Variants in SLC16A10 observed in about 807,000 individuals in gnomAD.
SLC16A10 encodes monocarboxylate transporter 10.
SLC16A10 carries 27 observed loss-of-function variants against 40.0 expected under a neutral mutation model. The ratio of observed to expected loss-of-function variants is 0.67; its 90% CI spans 0.50 to 0.93. The LOEUF is 0.93. Among genes scored for constraint, SLC16A10 ranks in the 40% least tolerant of loss-of-function variants. The pLI is 0.00. For missense variants in SLC16A10, 529 were observed against 658.2 expected (o/e 0.80, Z 2.15); for synonymous variants, 213 against 249.8 (o/e 0.85, Z 1.39).
At position 111,228,661 on chromosome 6, in the gene SLC16A10, T is replaced by C. The variant is rs1265288240; in HGVS notation, c.*6426T>C. 2 of 152,222 alleles carry C rather than the reference T, an allele frequency of 1.3e-5. No homozygotes were observed. The highest frequency in any genetic ancestry group is 2.9e-5 in the Non-Finnish European group (2 of 68,030). The allele number at this position is 152,222 out of a possible 1,614,324, so 9.4% of individuals were successfully genotyped here. ...AACACAAAACCTTTCTACTGTGATC[T>C]TCCCTAATGAGTCAAAGTATCTTTC... is the stretch of plus-strand genomic sequence containing the variant. On this transcript the variant is annotated 3_prime_UTR_variant, in exon 6 of 6. Transcript: ENST00000368851.
intron 4 of SLC16A10, among the ~76,000 whole-genome samples, chr6:111,210,900 G>GT (rs942071075): frequency 6.6e-6 from 1 of 152,072 alleles, no homozygotes; most frequent in Non-Finnish European, 1.5e-5. Context: ...GCACGCGTCT[G>GT]TAGTCCCAGC....
At chr6:111,135,911 T>C (rs1771869298) in intron 1 of SLC16A10, among the ~76,000 whole-genome samples, 1 of 152,218 alleles carries the variant, frequency 6.6e-6, no homozygotes. Context: ...TATCCCTAAA[T>C]ACTTAGGGCT....
In SLC16A10 at chr6:111,220,043, C is replaced by G. The variant is rs564312089; in HGVS notation, c.1315+1001C>G. The stretch of plus-strand genomic sequence containing the variant: ...GATCAAGGCTGCAGAGCCGTGATAG[C>G]ACCACTGCACTCCAGCCTGGGTGAC... On this transcript the variant is annotated intron_variant, in intron 5 of 5. Transcript: ENST00000368851. Among the ~76,000 whole-genome samples the G allele has an allele frequency of 7.5e-4, 114 of 152,312 alleles. 2 individuals are homozygous for G. The South Asian group carries it at 0.019, about 25-fold the overall frequency.
chr6:111,164,529 C>T (rs761646370), intron 1 of SLC16A10, among the ~76,000 whole-genome samples: 6 of 151,944 alleles, frequency 3.9e-5, no homozygotes, highest in Non-Finnish European at 7.4e-5. Context: ...GGAGACCCAG[C>T]CAGGTGGATC....
rs1770831318 is a variant in SLC16A10 at position 111,218,817 on chromosome 6, C to T, written c.1090C>T (p.Leu364Phe). 2 of 1,614,016 alleles carry T rather than the reference C, an allele frequency of 1.2e-6. No homozygotes were observed. Among genetic ancestry groups the T allele is most frequent in the Non-Finnish European group, 1.7e-6 (2 of 1,179,944 alleles). The change falls in exon 5 of 6, where the codon CTC (leucine) becomes TTC (phenylalanine). Residue 364 changes from leucine to phenylalanine, a missense_variant. By Grantham distance (22) the Leu-to-Phe change is conservative (BLOSUM62 0). Transcript: ENST00000368851. ...GACCTTGTGGTGTCCGTCCTAGGTA[C>T]TCTCCTTTTTCTTCATTGGTCTGAT... ...PGVKKVYLQV[L>F]SFFFIGLMSM... is the part of the protein sequence containing the mutation.
At chr6:111,123,874 TG>T (rs1381789638) in intron 1 of SLC16A10, among the ~76,000 whole-genome samples, 12 of 152,304 alleles carry the variant, frequency 7.9e-5, no homozygotes, top group African/African-American at 2.6e-4. Flanking sequence ...TGTTACCATC[TG>T]GGAGACATTG....
intron 1 of SLC16A10, among the ~76,000 whole-genome samples, chr6:111,153,502 A>G (rs541047935): frequency 5.3e-5 from 8 of 151,792 alleles, no homozygotes; most frequent in Non-Finnish European, 1.2e-4. Flanking sequence ...GCCACTACAC[A>G]CAGCCTGGGC....
intron 1 of SLC16A10, among the ~76,000 whole-genome samples, chr6:111,140,454 C>T (rs56290705): frequency 7.2e-4 from 110 of 151,878 alleles, no homozygotes; most frequent in Non-Finnish European, 1.0e-3. Context: ...CACAGCAAGA[C>T]CCTGTCTCCA....
chr6:111,095,551 A>G lies in SLC16A10; in HGVS notation c.343+7456A>G, dbSNP rs545106761. On this transcript the variant is annotated intron_variant, in intron 1 of 5. Coordinates refer to ENST00000368851, the MANE Select transcript of SLC16A10 (RefSeq NM_018593.5). ...CATATTTGTTAAAGTGGTAATTTTT[A>G]TATTCTCTGATATGGTTTGGCTGTG... 1.4e-4 allele frequency among the ~76,000 whole-genome samples: 21 copies of G among 152,292 alleles called. No individual in the cohort carries two copies. The South Asian group carries it at 2.7e-3, about 20-fold the overall frequency.
At chr6:111,166,689 G>A (rs571743829) in intron 1 of SLC16A10, among the ~76,000 whole-genome samples, 63 of 152,194 alleles carry the variant, frequency 4.1e-4, no homozygotes, top group African/African-American at 1.4e-3. Flanking sequence ...CATTTACATC[G>A]GCATAATTAC....
chr6:111,154,311 CT>C (rs1404515307), intron 1 of SLC16A10, among the ~76,000 whole-genome samples: 1 of 152,104 alleles, frequency 6.6e-6, no homozygotes. Context: ...GCATAAAACA[CT>C]GCACAAATAA....
chr6:111,155,022 C>CAAAAAAA, intron 1 of SLC16A10, among the ~76,000 whole-genome samples: 1 of 53,464 alleles, frequency 1.9e-5, no homozygotes, highest in Non-Finnish European at 3.7e-5. Flanking sequence ...GACTCCATCT[C>CAAAAAAA]AAAAAAAAAA....
At chr6:111,202,615 G>A (rs530338860) in intron 3 of SLC16A10, among the ~76,000 whole-genome samples, 16 of 152,030 alleles carry the variant, frequency 1.1e-4, no homozygotes, top group African/African-American at 2.4e-4. Flanking sequence ...CTGGCCGAGC[G>A]CGGTGGCTCA....
chr6:111,092,055 C>T lies in SLC16A10; in HGVS notation c.343+3960C>T, dbSNP rs144743490. The stretch of plus-strand genomic sequence containing the variant: ...GGCTGAAATTCTAAGGTCATTTCAA[C>T]AGGTGGTGGGGTTGGGGGTGGGGAA... On this transcript the variant is annotated intron_variant, in intron 1 of 5. Coordinates refer to ENST00000368851, the MANE Select transcript of SLC16A10 (RefSeq NM_018593.5). Among the ~76,000 whole-genome samples the T allele has an allele frequency of 3.4e-3, 523 of 152,104 alleles. 5 individuals carry two copies. Among genetic ancestry groups the T allele is most frequent in the African/African-American group, 0.012 (505 of 41,484 alleles).
chr6:111,216,050 A>T (rs1773416205), intron 4 of SLC16A10, among the ~76,000 whole-genome samples: 1 of 152,172 alleles, frequency 6.6e-6, no homozygotes, highest in Non-Finnish European at 1.5e-5. Context: ...TTACTACTTA[A>T]ATCTTTACCT....
At position 111,104,136 on chromosome 6, in the gene SLC16A10, G is replaced by T. The variant is rs956346412; in HGVS notation, c.343+16041G>T. ...TATAAGGCTGGCAAAGAATGGTGGA[G>T]CTGGGGAACGGAAGATCTAAATGCC... On this transcript the variant is annotated intron_variant, in intron 1 of 5. Coordinates refer to ENST00000368851, the MANE Select transcript of SLC16A10 (RefSeq NM_018593.5). Among the ~76,000 whole-genome samples the T allele has an allele frequency of 4.6e-5, 7 of 152,210 alleles. No homozygotes were observed. In the East Asian group the frequency reaches 1.3e-3, roughly 29 times the overall value.
intron 1 of SLC16A10, among the ~76,000 whole-genome samples, chr6:111,161,907 G>T (rs1316688847): frequency 6.6e-6 from 1 of 152,154 alleles, no homozygotes; most frequent in African/African-American, 2.4e-5. Flanking sequence ...GGATTTGCAG[G>T]ATAATTGCCC....
At chr6:111,163,146 ATTTT>A (rs34027805) in intron 1 of SLC16A10, among the ~76,000 whole-genome samples, 26 of 85,296 alleles carry the variant, frequency 3.0e-4, no homozygotes, top group Middle Eastern at 8.3e-3. Flanking sequence ...CAACATAATA[ATTTT>A]TTTTTTTTTT....
At position 111,217,092 on chromosome 6, in the gene SLC16A10, C is replaced by T. The variant is rs542272840; in HGVS notation, c.1087-1722C>T. On this transcript the variant is annotated intron_variant, in intron 4 of 5. Coordinates refer to ENST00000368851, the MANE Select transcript of SLC16A10 (RefSeq NM_018593.5). ...AGCTGCTTTATCTGGTCTCTCCTTCCTCCCTAGCCTGACTGCTATTGGAGG... is the reference window on the plus strand; with the variant it reads ...AGCTGCTTTATCTGGTCTCTCCTTCTTCCCTAGCCTGACTGCTATTGGAGG... Among the ~76,000 whole-genome samples the T allele has an allele frequency of 9.6e-4, 146 of 152,342 alleles. 1 individual carries two copies. In the South Asian group the frequency reaches 0.029, roughly 31 times the overall value.
Sources: gnomAD v4.1 joint callset for allele counts (sites outside exome capture counted in the v4.1 genomes callset) on GRCh38, gnomAD v4.1.1 for gene constraint, MANE v1.5 for transcripts, NCBI Gene and HGNC (gene_info 2026-07-23, HGNC 2026-07-21) for gene names.